The following TTC28 variants were observed in gnomAD, a reference collection of about 807,000 sequenced individuals.
TTC28 encodes the protein tetratricopeptide repeat protein 28.
TTC28 carries 61 observed loss-of-function variants against 198.0 expected under a neutral mutation model. That is an observed-to-expected ratio of 0.31 (90% CI 0.25 to 0.38). The LOEUF (loss-of-function observed/expected upper bound fraction) is 0.38, where lower values mean the gene tolerates loss of function less well. Among genes scored for constraint, TTC28 ranks in the 10% least tolerant of loss-of-function variants. The pLI is 1.00. For synonymous variants in TTC28, 1,171 were observed against 1,297.8 expected (o/e 0.90, Z 2.10); for missense variants, 2,678 against 3,164.0 (o/e 0.85, Z 3.69).
intron 2 of TTC28, among the ~76,000 whole-genome samples, chr22:28,565,757 A>G (rs1325520488): frequency 6.6e-6 from 1 of 152,238 alleles, no homozygotes; most frequent in Non-Finnish European, 1.5e-5. Flanking sequence ...ATTAATTAAT[A>G]TAACTAGAAT....
intron 2 of TTC28, among the ~76,000 whole-genome samples, chr22:28,394,359 A>G (rs1263424956): frequency 6.6e-6 from 1 of 152,234 alleles, no homozygotes; most frequent in Non-Finnish European, 1.5e-5. Context: ...AGTTTAATGG[A>G]ATCAATTTGA....
intron 5 of TTC28, among the ~76,000 whole-genome samples, chr22:28,278,709 A>T (rs1166251450): frequency 6.6e-6 from 1 of 152,252 alleles, no homozygotes; most frequent in African/African-American, 2.4e-5. Context: ...CATACAAATC[A>T]AAAAGCACTG....
In TTC28 at chr22:27,983,319, G is replaced by A; in HGVS notation, c.6348C>T (p.Pro2116=). 6.4e-7 allele frequency: 1 copy of A among 1,552,000 alleles called. No homozygotes were observed. The highest frequency in any genetic ancestry group is 8.7e-7 in the Non-Finnish European group (1 of 1,147,108). ...CCTTTTGGAAGGGTGAGTTGGGGCT[G>A]GGAATCAGAGTCATTTTCACTGGAG... The part of the protein sequence containing the change: ...PNSPVKMTLI[P]SPNSPFQKVG... The change falls in exon 23 of 23, where the codon CCC becomes CCT. Residue 2116 remains proline, a synonymous_variant. Coordinates refer to ENST00000397906, the MANE Select transcript of TTC28 (RefSeq NM_001145418.2).
At chr22:28,026,807 G>C (rs761571560) in intron 13 of TTC28, among the ~76,000 whole-genome samples, 19 of 152,230 alleles carry the variant, frequency 1.2e-4, no homozygotes, top group Non-Finnish European at 2.1e-4. Flanking sequence ...TGGACAATAA[G>C]AAAGTCCCTC....
rs369830774 is a variant in TTC28, at chr22:28,298,097, G to A, written c.530-245C>T. ...TGTCTTATCCTTTCTTTTGGCCATT[G>A]TGATCATCATGTACCACTTTCCCTG... is the stretch of plus-strand genomic sequence containing the variant. On this transcript the variant is annotated intron_variant, in intron 3 of 22. Coordinates refer to ENST00000397906, the MANE Select transcript of TTC28 (RefSeq NM_001145418.2). Among the ~76,000 whole-genome samples the A allele has an allele frequency of 1.7e-4, 26 of 152,024 alleles. No individual in the cohort carries two copies. In the East Asian group the frequency reaches 4.7e-3, roughly 27 times the overall value.
At chr22:28,147,191 C>T (rs374536810) in intron 6 of TTC28, among the ~76,000 whole-genome samples, 2 of 152,154 alleles carry the variant, frequency 1.3e-5, no homozygotes, top group Non-Finnish European at 2.9e-5. Context: ...GAATTTCGGT[C>T]GGGAACAACA....
chr22:28,477,386 G>A (rs916628303), intron 2 of TTC28, among the ~76,000 whole-genome samples: 2 of 152,050 alleles, frequency 1.3e-5, no homozygotes, highest in Admixed American at 6.5e-5. Flanking sequence ...GACATTGAAT[G>A]AATTAGCCTA....
At chr22:28,382,918 T>G (rs772355135) in intron 2 of TTC28, among the ~76,000 whole-genome samples, 4 of 152,154 alleles carry the variant, frequency 2.6e-5, no homozygotes, top group Non-Finnish European at 5.9e-5. Flanking sequence ...TTGAACCACC[T>G]TCACCTAAAT....
intron 12 of TTC28, among the ~76,000 whole-genome samples, chr22:28,078,377 C>T (rs1215980301): frequency 1.3e-5 from 2 of 152,104 alleles, no homozygotes; most frequent in Non-Finnish European, 1.5e-5. Context: ...CTTCTGGTGA[C>T]TAAATTTCAA....
At chr22:28,200,356 C>CT (rs1018894241) in intron 5 of TTC28, among the ~76,000 whole-genome samples, 1 of 151,958 alleles carries the variant, frequency 6.6e-6, no homozygotes, top group African/African-American at 2.4e-5. Context: ...TTTTGTTTGC[C>CT]TTTTGATTTT....
At chr22:28,150,040 G>GAAAAAGA (rs1018094155) in intron 6 of TTC28, among the ~76,000 whole-genome samples, 3 of 151,888 alleles carry the variant, frequency 2.0e-5, no homozygotes, top group African/African-American at 7.3e-5. Context: ...AGTTAAAAAG[G>GAAAAAGA]AAAAAGAAAA....
intron 2 of TTC28, among the ~76,000 whole-genome samples, chr22:28,564,498 C>T (rs2049939888): frequency 2.0e-5 from 3 of 151,910 alleles, no homozygotes. Flanking sequence ...AAGAAAGTAA[C>T]CATTAATTTA....
At chr22:28,624,171 T>C (rs1009150046) in intron 2 of TTC28, among the ~76,000 whole-genome samples, 1 of 152,030 alleles carries the variant, frequency 6.6e-6, no homozygotes, top group African/African-American at 2.4e-5. Context: ...ATTAACAATA[T>C]CAAGAATGCA....
At chr22:28,313,680 T>A (rs1430782395) in intron 2 of TTC28, among the ~76,000 whole-genome samples, 1 of 152,048 alleles carries the variant, frequency 6.6e-6, no homozygotes, top group Non-Finnish European at 1.5e-5. Flanking sequence ...TGCTAAAACC[T>A]CTCAATAAAC....
chr22:28,220,833 AT>A (rs1454179899), intron 5 of TTC28, among the ~76,000 whole-genome samples: 1 of 152,194 alleles, frequency 6.6e-6, no homozygotes, highest in Non-Finnish European at 1.5e-5. Context: ...TGCCACAGAC[AT>A]GCTGGAGCAT....
At chr22:28,610,305 C>T (rs2050799253) in intron 2 of TTC28, among the ~76,000 whole-genome samples, 2 of 152,186 alleles carry the variant, frequency 1.3e-5, no homozygotes, top group South Asian at 4.1e-4. Flanking sequence ...AGATACCTCC[C>T]AGTAGAGGCC....
chr22:28,643,338 G>A, intron 1 of TTC28: 1 of 152,256 alleles, frequency 6.6e-6, no homozygotes, highest in East Asian at 1.9e-4. Flanking sequence ...AGCTTTTGTA[G>A]GCTGTCATAA....
intron 2 of TTC28, among the ~76,000 whole-genome samples, chr22:28,625,160 C>T (rs1388802017): frequency 6.6e-6 from 1 of 152,058 alleles, no homozygotes; most frequent in Non-Finnish European, 1.5e-5. Context: ...AAGTTCACTC[C>T]CATGACTTCT....
At chr22:28,232,858 T>C (rs989268121) in intron 5 of TTC28, 2 of 152,188 alleles carry the variant, frequency 1.3e-5, no homozygotes, top group South Asian at 2.1e-4. Context: ...CCCGGCACTT[T>C]GGGAGGCTAA....
Sources: allele counts gnomAD v4.1 joint callset (sites outside exome capture counted in the v4.1 genomes callset), GRCh38; gene constraint gnomAD v4.1.1; transcripts MANE v1.5; gene names NCBI Gene and HGNC (gene_info 2026-07-23, HGNC 2026-07-21).